PTPRN2: variants seen among roughly 807,000 people sequenced by gnomAD.
PTPRN2 encodes receptor-type tyrosine-protein phosphatase N2.
PTPRN2 carries 74 observed loss-of-function variants against 118.8 expected under a neutral mutation model. That is an observed-to-expected ratio of 0.62 (90% CI 0.52 to 0.76). The LOEUF is 0.76. Among genes scored for constraint, PTPRN2 ranks in the 30% least tolerant of loss-of-function variants. The pLI, the probability that PTPRN2 is intolerant of heterozygous loss-of-function variation, is 0.00. For synonymous variants in PTPRN2, 641 were observed against 608.0 expected (o/e 1.05, Z -0.80); for missense variants, 1,481 against 1,394.4 (o/e 1.06, Z -0.99).
chr7:157,603,095 T>G lies in PTPRN2; in HGVS notation c.2418+907A>C, dbSNP rs1025217151. Among the ~76,000 whole-genome samples the G allele has an allele frequency of 1.3e-5, 2 of 152,174 alleles. No homozygotes were observed. Among genetic ancestry groups the G allele is most frequent in the African/African-American group, 4.8e-5 (2 of 41,436 alleles). On this transcript the variant is annotated intron_variant, in intron 16 of 22. Transcript: ENST00000389418. This position sits in a 1 kb window ranked among gnomAD's most constrained non-coding sequence, Gnocchi z 5.4. ...CAGCCTCTCCACCACTGGTTTAAAG[T>G]GCCATCCGCCAGGTCTCCAAAGCCC...
chr7:157,767,749 C>T (rs1449634703), intron 12 of PTPRN2, among the ~76,000 whole-genome samples: 1 of 151,816 alleles, frequency 6.6e-6, no homozygotes, highest in Non-Finnish European at 1.5e-5. Context: ...TGTGTGGAGG[C>T]GGTGGGAACC....
At chr7:158,202,321 TGG>T (rs1203815163) in intron 4 of PTPRN2, among the ~76,000 whole-genome samples, 1 of 152,198 alleles carries the variant, frequency 6.6e-6, no homozygotes. Context: ...TATTCTCTCC[TGG>T]GCAGGGCCTC....
intron 11 of PTPRN2, among the ~76,000 whole-genome samples, chr7:158,005,031 C>G (rs2128863531): frequency 6.6e-6 from 1 of 152,048 alleles, no homozygotes; most frequent in South Asian, 2.1e-4. Flanking sequence ...AGAAAATCGG[C>G]CTGGCACCCA....
intron 2 of PTPRN2, among the ~76,000 whole-genome samples, chr7:158,380,892 C>T (rs772438917): frequency 6.6e-5 from 10 of 152,270 alleles, no homozygotes; most frequent in African/African-American, 1.2e-4. Context: ...AGGCTCAACA[C>T]TATGTGGAAG....
In PTPRN2 at chr7:157,698,631, C is replaced by T. The variant is rs1191287977; in HGVS notation, c.1789-15694G>A. ...TATTAGTTTTGTCCATTAAAAGTAG[C>T]ATTTTGAAAAAATACTGTTCATAAG... is the stretch of plus-strand genomic sequence containing the variant. On this transcript the variant is annotated intron_variant, in intron 12 of 22. Transcript: ENST00000389418. Among the ~76,000 whole-genome samples, 2 of 152,202 alleles carry T rather than the reference C, an allele frequency of 1.3e-5. 1 individual carries two copies. Among genetic ancestry groups the T allele is most frequent in the Admixed American group, 1.3e-4 (2 of 15,282 alleles).
At chr7:157,575,875 G>A (rs1585052041) in intron 19 of PTPRN2, among the ~76,000 whole-genome samples, 2 of 152,116 alleles carry the variant, frequency 1.3e-5, no homozygotes, top group African/African-American at 2.4e-5. Flanking sequence ...TTAGAGCTTC[G>A]TCACTGATGC....
chr7:157,572,707 G>A (rs1305845316), intron 19 of PTPRN2, among the ~76,000 whole-genome samples: 3 of 152,264 alleles, frequency 2.0e-5, no homozygotes, highest in South Asian at 4.1e-4. Flanking sequence ...AGCTGAAGGA[G>A]CAGTTGCAGG....
chr7:158,209,284 A>C (rs1291838374), intron 3 of PTPRN2, among the ~76,000 whole-genome samples: 1 of 152,208 alleles, frequency 6.6e-6, no homozygotes, highest in Non-Finnish European at 1.5e-5. Context: ...AAAAAGACCC[A>C]ATCATCTGTT....
At chr7:157,685,107 G>A (rs1797114027) in intron 12 of PTPRN2, among the ~76,000 whole-genome samples, 1 of 152,062 alleles carries the variant, frequency 6.6e-6, no homozygotes, top group Non-Finnish European at 1.5e-5. Context: ...CCTCCCGCGG[G>A]TCCCGCCTGG....
intron 11 of PTPRN2, among the ~76,000 whole-genome samples, chr7:157,959,058 C>T (rs554083936): frequency 1.3e-5 from 2 of 152,324 alleles, no homozygotes; most frequent in East Asian, 1.9e-4. Flanking sequence ...GACTATAAAA[C>T]GGAGCCCAGA....
rs1055388048 is a variant in PTPRN2 at position 158,546,983 on chromosome 7, G to A, written c.112+40575C>T. 6.6e-6 allele frequency among the ~76,000 whole-genome samples: 1 copy of A among 152,142 alleles called. No homozygotes were observed. Among genetic ancestry groups the A allele is most frequent in the African/African-American group, 2.4e-5 (1 of 41,428 alleles). On this transcript the variant is annotated intron_variant, in intron 1 of 22. Coordinates refer to ENST00000389418, the MANE Select transcript of PTPRN2 (RefSeq NM_002847.5). The surrounding 1 kb of genome is among the most constrained non-coding windows in gnomAD (Gnocchi z 5.0). ...CCACAGCCAGCCCATGCAGAGCTCAGAGCTCACGGCAGAGCGGCACAGAAA... is the reference window on the plus strand; with the variant it reads ...CCACAGCCAGCCCATGCAGAGCTCAAAGCTCACGGCAGAGCGGCACAGAAA...
At chr7:158,153,541 C>G (rs553686360) in intron 6 of PTPRN2, among the ~76,000 whole-genome samples, 2 of 152,076 alleles carry the variant, frequency 1.3e-5, no homozygotes, top group Non-Finnish European at 2.9e-5. Context: ...GTTTGAGCAG[C>G]GGGGCACTGA....
At chr7:157,825,465 C>T (rs1807112026) in intron 12 of PTPRN2, among the ~76,000 whole-genome samples, 1 of 152,154 alleles carries the variant, frequency 6.6e-6, no homozygotes, top group South Asian at 2.1e-4. Context: ...TCATTTAAGC[C>T]ACTTTTATTT....
At chr7:158,038,465 GA>G (rs1364061475) in intron 11 of PTPRN2, among the ~76,000 whole-genome samples, 1 of 152,030 alleles carries the variant, frequency 6.6e-6, no homozygotes, top group Non-Finnish European at 1.5e-5. Flanking sequence ...AATCACTAGA[GA>G]AAGATGCCAT....
chr7:158,070,869 G>T (rs1811312093), intron 11 of PTPRN2, among the ~76,000 whole-genome samples: 1 of 136,030 alleles, frequency 7.4e-6, no homozygotes, highest in Admixed American at 7.1e-5. Context: ...CGTGGTGGTG[G>T]TGGTGCCCAT....
At chr7:158,541,855 C>T (rs1826002465) in intron 1 of PTPRN2, 1 of 536,912 alleles carries the variant, frequency 1.9e-6, no homozygotes, top group Non-Finnish European at 2.4e-6. Context: ...ATCACACCTG[C>T]TTCCAATTCA....
rs895420312 is a variant in PTPRN2 at position 157,652,350 on chromosome 7, AC to A, written c.2196+4006del. On this transcript the variant is annotated intron_variant, in intron 14 of 22. Coordinates refer to ENST00000389418, the MANE Select transcript of PTPRN2 (RefSeq NM_002847.5). ...CTCACCCGGTTTTACCCTCACAGGAACCCCAGGGGAAAGGCACTGCCATCAA... is the reference window on the plus strand; with the variant it reads ...CTCACCCGGTTTTACCCTCACAGGAACCCAGGGGAAAGGCACTGCCATCAA... Among the ~76,000 whole-genome samples the A allele has an allele frequency of 9.3e-4, 142 of 152,250 alleles. 3 individuals are homozygous for A. Among genetic ancestry groups the A allele is most frequent in the African/African-American group, 3.3e-3 (136 of 41,546 alleles).
At chr7:158,075,562 C>A (rs1181309300) in intron 11 of PTPRN2, among the ~76,000 whole-genome samples, 1 of 152,198 alleles carries the variant, frequency 6.6e-6, no homozygotes, top group Non-Finnish European at 1.5e-5. Context: ...TGTGCAGACC[C>A]CACCAGCACC....
At chr7:157,578,686 G>GAT (rs1800185884) in intron 17 of PTPRN2, among the ~76,000 whole-genome samples, 1 of 152,210 alleles carries the variant, frequency 6.6e-6, no homozygotes, top group African/African-American at 2.4e-5. Context: ...ATACCAAATT[G>GAT]ATTTACTAAT....
Sources: gnomAD v4.1 joint callset for allele counts (sites outside exome capture counted in the v4.1 genomes callset) on GRCh38, gnomAD v4.1.1 for gene constraint, Gnocchi (gnomAD v3.1) non-coding constraint, MANE v1.5 for transcripts, NCBI Gene and HGNC (gene_info 2026-07-23, HGNC 2026-07-21) for gene names.